The following B3GALT1 variants were observed in gnomAD, a reference collection of about 807,000 sequenced individuals.
The protein encoded by B3GALT1 is beta-1,3-galactosyltransferase 1.
B3GALT1 carries 10 observed loss-of-function variants against 23.2 expected under a neutral mutation model. The ratio of observed to expected loss-of-function variants is 0.43; its 90% CI spans 0.27 to 0.73. The LOEUF (loss-of-function observed/expected upper bound fraction) is 0.73. Among genes scored for constraint, B3GALT1 ranks in the 30% least tolerant of loss-of-function variants. The probability of loss-of-function intolerance (pLI) is 0.21; values close to 1 mark genes in which losing one functional copy is unlikely to be tolerated. For synonymous variants in B3GALT1, 156 were observed against 141.5 expected (o/e 1.10, Z -0.73); for missense variants, 299 against 405.4 (o/e 0.74, Z 2.25).
chr2:167,662,864 G>A (rs974647308), intron 3 of B3GALT1, among the ~76,000 whole-genome samples: 13 of 151,920 alleles, frequency 8.6e-5, no homozygotes, highest in African/African-American at 3.1e-4. Flanking sequence ...TCTTTTGCCT[G>A]TAATGCTCTT....
chr2:167,445,328 G>T (rs1166775321), intron 1 of B3GALT1, among the ~76,000 whole-genome samples: 1 of 152,188 alleles, frequency 6.6e-6, no homozygotes, highest in African/African-American at 2.4e-5. Context: ...GTGCTGAGAG[G>T]TATGTATATT....
At chr2:167,815,389 A>C (rs1042231760) in intron 3 of B3GALT1, among the ~76,000 whole-genome samples, 10 of 152,232 alleles carry the variant, frequency 6.6e-5, no homozygotes, top group Admixed American at 4.6e-4. Flanking sequence ...ATAAGTTAAT[A>C]AATGGGCAAC....
intron 2 of B3GALT1, among the ~76,000 whole-genome samples, chr2:167,495,325 C>CT (rs1699767206): frequency 7.5e-6 from 1 of 134,118 alleles, no homozygotes; most frequent in Non-Finnish European, 1.6e-5. Context: ...AGCTTGCTTG[C>CT]CTTTTTTTTT....
intron 2 of B3GALT1, among the ~76,000 whole-genome samples, chr2:167,560,877 G>C (rs919477775): frequency 1.3e-5 from 2 of 152,058 alleles, no homozygotes; most frequent in African/African-American, 4.8e-5. Context: ...ACACCCCACT[G>C]TCAACATTAG....
intron 2 of B3GALT1, among the ~76,000 whole-genome samples, chr2:167,492,825 C>T (rs1699729581): frequency 6.6e-6 from 1 of 151,590 alleles, no homozygotes; most frequent in South Asian, 2.1e-4. Flanking sequence ...TGAGGTTTTC[C>T]CTGACAGCAC....
intron 3 of B3GALT1, among the ~76,000 whole-genome samples, chr2:167,678,625 T>C (rs1264587679): frequency 6.6e-6 from 1 of 152,214 alleles, no homozygotes; most frequent in Non-Finnish European, 1.5e-5. Flanking sequence ...GGATAAACTT[T>C]AACTCAAAAA....
chr2:167,767,445 A>G (rs139817581), intron 3 of B3GALT1, among the ~76,000 whole-genome samples: 137 of 152,274 alleles, frequency 9.0e-4, no homozygotes, highest in African/African-American at 3.1e-3. Flanking sequence ...TTTCTGCTTC[A>G]ATTTTAGCAG....
chr2:167,863,345 T>C (rs1216319861), intron 4 of B3GALT1, among the ~76,000 whole-genome samples: 1 of 152,190 alleles, frequency 6.6e-6, no homozygotes, highest in Admixed American at 6.5e-5. Flanking sequence ...AACCATAAAC[T>C]GATGAACTGA....
intron 3 of B3GALT1, among the ~76,000 whole-genome samples, chr2:167,735,393 G>A (rs1457945278): frequency 6.6e-6 from 1 of 152,198 alleles, no homozygotes; most frequent in African/African-American, 2.4e-5. Flanking sequence ...GAGACCTCCT[G>A]CTTCTACAGC....
intron 3 of B3GALT1, among the ~76,000 whole-genome samples, chr2:167,663,080 C>T (rs1193825143): frequency 1.3e-5 from 2 of 150,772 alleles, no homozygotes; most frequent in African/African-American, 4.9e-5. Context: ...TCTAGCATTA[C>T]GTATATCTCC....
At chr2:167,788,497 G>A (rs542465045) in intron 3 of B3GALT1, among the ~76,000 whole-genome samples, 20 of 152,038 alleles carry the variant, frequency 1.3e-4, no homozygotes, top group Admixed American at 7.2e-4. Flanking sequence ...CTCATAAGGC[G>A]CATGCAACCT....
rs964561693 is a variant in B3GALT1 at position 167,851,210 on chromosome 2, A to G, written c.-229-17601A>G. Among the ~76,000 whole-genome samples the G allele has an allele frequency of 8.9e-5, 13 of 146,190 alleles. No individual in the cohort carries two copies. The South Asian group carries it at 1.3e-3, about 15-fold the overall frequency. Reference sequence around the variant, plus strand: ...TCGTCAAATACACTGTTAGAGGTTAAAAAAATCAAGAATAATAAGCTACTA... The same window carrying G: ...TCGTCAAATACACTGTTAGAGGTTAGAAAAATCAAGAATAATAAGCTACTA... On this transcript the variant is annotated intron_variant, in intron 4 of 4. Coordinates refer to ENST00000392690, the MANE Select transcript of B3GALT1 (RefSeq NM_020981.4).
intron 2 of B3GALT1, among the ~76,000 whole-genome samples, chr2:167,567,068 G>A (rs1307065203): frequency 6.6e-6 from 1 of 152,124 alleles, no homozygotes; most frequent in Non-Finnish European, 1.5e-5. Context: ...GTTTGAGAAA[G>A]CACTTGTGAA....
chr2:167,427,555 G>C (rs1187466397), intron 1 of B3GALT1, among the ~76,000 whole-genome samples: 1 of 152,130 alleles, frequency 6.6e-6, no homozygotes, highest in Non-Finnish European at 1.5e-5. Flanking sequence ...ATATTATTTA[G>C]AGACAGAATT....
At chr2:167,609,480 T>G (rs181793408) in intron 2 of B3GALT1, among the ~76,000 whole-genome samples, 1 of 152,064 alleles carries the variant, frequency 6.6e-6, no homozygotes, top group African/African-American at 2.4e-5. Flanking sequence ...GTTCTACAAT[T>G]TTTCTCTCTT....
intron 2 of B3GALT1, among the ~76,000 whole-genome samples, chr2:167,551,640 C>T (rs986338075): frequency 3.3e-5 from 5 of 152,122 alleles, no homozygotes; most frequent in African/African-American, 1.2e-4. Flanking sequence ...CTGTATCCTC[C>T]TGGATGAGGG....
At chr2:167,629,544 T>G (rs1391365283) in intron 2 of B3GALT1, among the ~76,000 whole-genome samples, 1 of 151,692 alleles carries the variant, frequency 6.6e-6, no homozygotes, top group Non-Finnish European at 1.5e-5. Flanking sequence ...CATTCTCTTC[T>G]GTCATAATTT....
intron 1 of B3GALT1, among the ~76,000 whole-genome samples, chr2:167,456,663 G>A (rs1699177935): frequency 6.6e-6 from 1 of 152,096 alleles, no homozygotes; most frequent in South Asian, 2.1e-4. Flanking sequence ...TTCTAGAACA[G>A]CTCACAGAAC....
chr2:167,794,091 C>T (rs561829729), intron 3 of B3GALT1, among the ~76,000 whole-genome samples: 2 of 152,336 alleles, frequency 1.3e-5, no homozygotes, highest in East Asian at 3.9e-4. Flanking sequence ...TCTTCAAACC[C>T]CATATGCACC....
Sources: allele counts gnomAD v4.1 joint callset (sites outside exome capture counted in the v4.1 genomes callset), GRCh38; gene constraint gnomAD v4.1.1; transcripts MANE v1.5; gene names NCBI Gene and HGNC (gene_info 2026-07-23, HGNC 2026-07-21).